The following DLG2 variants were observed in gnomAD, a reference collection of about 807,000 sequenced individuals.
The protein encoded by DLG2 is discs large MAGUK scaffold protein 2.
DLG2 carries 45 observed loss-of-function variants against 132.5 expected under a neutral mutation model. The ratio of observed to expected loss-of-function variants is 0.34; its 90% CI spans 0.27 to 0.44. The LOEUF (loss-of-function observed/expected upper bound fraction) is 0.44. DLG2 is among the 20% of genes least tolerant of loss of function. The pLI, the probability that DLG2 is intolerant of heterozygous loss-of-function variation, is 1.00. For missense variants in DLG2, 1,045 were observed against 1,196.9 expected (o/e 0.87, Z 1.87); for synonymous variants, 424 against 419.6 (o/e 1.01, Z -0.13).
chr11:84,310,592 C>G (rs992678404), intron 7 of DLG2, among the ~76,000 whole-genome samples: 2 of 152,222 alleles, frequency 1.3e-5, no homozygotes, highest in Admixed American at 1.3e-4. Context: ...AACGGCTTCA[C>G]ATCTGCCACA....
intron 15 of DLG2, among the ~76,000 whole-genome samples, chr11:83,901,617 A>C (rs2073454885): frequency 6.6e-6 from 1 of 152,202 alleles, no homozygotes; most frequent in Non-Finnish European, 1.5e-5. Flanking sequence ...AGCCATGTGG[A>C]ACTGTAAGTC....
chr11:83,567,108 G>A (rs1227019067), intron 19 of DLG2, among the ~76,000 whole-genome samples: 1 of 152,094 alleles, frequency 6.6e-6, no homozygotes, highest in Admixed American at 6.6e-5. Context: ...ACAGGAAGGA[G>A]CCATCTAATT....
chr11:84,848,787 T>C (rs2081829878), intron 6 of DLG2, among the ~76,000 whole-genome samples: 1 of 152,176 alleles, frequency 6.6e-6, no homozygotes, highest in Non-Finnish European at 1.5e-5. Flanking sequence ...GGAAGGGACA[T>C]GGGTCACTTG....
chr11:84,138,297 A>T (rs187133344), intron 9 of DLG2, among the ~76,000 whole-genome samples: 5 of 152,316 alleles, frequency 3.3e-5, no homozygotes, highest in Admixed American at 6.5e-5. Flanking sequence ...TTGGGGAAAA[A>T]ATTCCCTTCT....
At position 85,598,722 on chromosome 11, in the gene DLG2, A is replaced by T. The variant is rs371898172; in HGVS notation, c.-26T>A. 21 of 1,578,082 alleles carry T rather than the reference A, an allele frequency of 1.3e-5. No homozygotes were observed. The highest frequency in any genetic ancestry group is 1.7e-4 in the Middle Eastern group (1 of 6,008). On this transcript the variant is annotated 5_prime_UTR_variant, in exon 3 of 28. Coordinates refer to ENST00000376104, the MANE Select transcript of DLG2 (RefSeq NM_001142699.3). ...CACCTTTTTAACCGCATTTTTCAAC[A>T]GCTGCTCCTCTGGTTTCCTTAATTT...
intron 6 of DLG2, among the ~76,000 whole-genome samples, chr11:84,772,917 C>T (rs1413660327): frequency 6.6e-6 from 1 of 151,044 alleles, no homozygotes; most frequent in African/African-American, 2.4e-5. Flanking sequence ...ATCCCCAAAG[C>T]TAAAAGAAGA....
At chr11:84,915,084 G>A (rs2092370476) in intron 6 of DLG2, among the ~76,000 whole-genome samples, 2 of 152,110 alleles carry the variant, frequency 1.3e-5, no homozygotes, top group African/African-American at 4.8e-5. Flanking sequence ...TTGTCTGACT[G>A]TTGTAATTCA....
At chr11:83,911,853 T>G (rs1717371521) in intron 15 of DLG2, among the ~76,000 whole-genome samples, 1 of 151,946 alleles carries the variant, frequency 6.6e-6, no homozygotes, top group Non-Finnish European at 1.5e-5. Flanking sequence ...AGCAAAAGGT[T>G]TTTTTTTGTT....
intron 6 of DLG2, among the ~76,000 whole-genome samples, chr11:84,734,680 T>C (rs2063593784): frequency 6.6e-6 from 1 of 152,180 alleles, no homozygotes; most frequent in African/African-American, 2.4e-5. Flanking sequence ...CTATGTTGAA[T>C]AGGAGTGGTG....
intron 4 of DLG2, among the ~76,000 whole-genome samples, chr11:85,204,951 A>G (rs1174281790): frequency 6.6e-6 from 1 of 152,050 alleles, no homozygotes; most frequent in Non-Finnish European, 1.5e-5. Flanking sequence ...CTATTCAAGA[A>G]ATGGTGCTGA....
chr11:83,759,671 C>CA (rs2093815329), intron 18 of DLG2, among the ~76,000 whole-genome samples: 2 of 152,136 alleles, frequency 1.3e-5, no homozygotes, highest in African/African-American at 4.8e-5. Flanking sequence ...CCTGTTGACA[C>CA]AAAATCACAG....
intron 6 of DLG2, among the ~76,000 whole-genome samples, chr11:84,829,226 T>C (rs1302376419): frequency 1.3e-5 from 2 of 151,524 alleles, no homozygotes; most frequent in East Asian, 3.9e-4. Context: ...GACTTGACCA[T>C]GTGATTTGTT....
intron 6 of DLG2, among the ~76,000 whole-genome samples, chr11:84,703,351 G>T (rs1169781315): frequency 2.0e-5 from 3 of 151,510 alleles, no homozygotes; most frequent in African/African-American, 7.3e-5. Context: ...ACCCTGACTT[G>T]CTCTAAATGA....
intron 18 of DLG2, among the ~76,000 whole-genome samples, chr11:83,770,278 T>TTTTTTTTTTTTTTTTTTTTC (rs1357001300): frequency 6.6e-6 from 1 of 151,578 alleles, no homozygotes; most frequent in Admixed American, 6.6e-5. Context: ...TTTTTGCTTT[T>TTTTTTTTTTTTTTTTTTTTC]TGTACAAAGA....
intron 6 of DLG2, among the ~76,000 whole-genome samples, chr11:84,661,307 C>G (rs1439467340): frequency 6.6e-6 from 1 of 152,232 alleles, no homozygotes; most frequent in Non-Finnish European, 1.5e-5. Flanking sequence ...AAGTATTTGC[C>G]TTGTAGAATG....
Position 84,761,029 on chromosome 11 carries a change from A to G in DLG2, c.358-226298T>C, listed in dbSNP as rs569967055. The stretch of plus-strand genomic sequence containing the variant: ...CTGGGACACTGGGCAAGAGCTCAGG[A>G]TACAGAAAGCTGTCACATGGCCCTC... On this transcript the variant is annotated intron_variant, in intron 6 of 27. Transcript: ENST00000376104. 1.1e-4 allele frequency among the ~76,000 whole-genome samples: 17 copies of G among 152,306 alleles called. No individual in the cohort carries two copies. The South Asian group carries it at 3.5e-3, about 32-fold the overall frequency.
chr11:84,298,791 C>A (rs1473213867), intron 7 of DLG2, among the ~76,000 whole-genome samples: 1 of 152,154 alleles, frequency 6.6e-6, no homozygotes, highest in African/African-American at 2.4e-5. Flanking sequence ...GAGAGAAAAG[C>A]ATGAGCAAAG....
chr11:85,082,286 T>G (rs1234512320), intron 6 of DLG2, among the ~76,000 whole-genome samples: 1 of 152,132 alleles, frequency 6.6e-6, no homozygotes, highest in African/African-American at 2.4e-5. Context: ...GCATTTCAGC[T>G]TCAGGCAATA....
intron 4 of DLG2, among the ~76,000 whole-genome samples, chr11:85,174,302 T>C (rs1273010019): frequency 6.6e-6 from 1 of 152,162 alleles, no homozygotes; most frequent in Non-Finnish European, 1.5e-5. Context: ...AAATTAGAGC[T>C]CAAGATTAAG....
Sources: allele counts gnomAD v4.1 joint callset (sites outside exome capture counted in the v4.1 genomes callset), GRCh38; gene constraint gnomAD v4.1.1; transcripts MANE v1.5; gene names NCBI Gene and HGNC (gene_info 2026-07-23, HGNC 2026-07-21).